CALN1: variants seen among roughly 807,000 people sequenced by gnomAD.
CALN1 encodes the protein calneuron 1.
In CALN1, 17 loss-of-function variants were observed where a neutral mutation model predicts 30.6. The ratio of observed to expected loss-of-function variants is 0.56; its 90% CI spans 0.38 to 0.83. The LOEUF (loss-of-function observed/expected upper bound fraction) is 0.83, where lower values mean the gene tolerates loss of function less well. Ranked by LOEUF, CALN1 falls within the 40% of genes least tolerant of loss-of-function variation. CALN1 has a pLI of 0.00. For missense variants in CALN1, 291 were observed against 354.9 expected (o/e 0.82, Z 1.45); for synonymous variants, 156 against 131.4 (o/e 1.19, Z -1.28).
chr7:72,381,706 T>G (rs965054254), intron 2 of CALN1, among the ~76,000 whole-genome samples: 16 of 151,862 alleles, frequency 1.1e-4, no homozygotes, highest in Admixed American at 1.0e-3. Flanking sequence ...GTCAGGGGCA[T>G]GGGGGCAAGG....
At chr7:72,300,054 G>A (rs551180020) in intron 2 of CALN1, among the ~76,000 whole-genome samples, 1 of 151,544 alleles carries the variant, frequency 6.6e-6, no homozygotes, top group African/African-American at 2.4e-5. Context: ...CTAATTTTTT[G>A]TATTTTTAAC....
intron 4 of CALN1, among the ~76,000 whole-genome samples, chr7:72,052,701 GAGAAATGACAACTCACTTCAGTCTC>G (rs1239369781): frequency 1.1e-4 from 16 of 152,306 alleles, no homozygotes; most frequent in African/African-American, 3.6e-4. Flanking sequence ...CAGCCAGGCA[GAGAAATGACAACTCACTTCAGTCTC>G]AGAAATGACA....
chr7:72,293,213 G>T (rs1405898848), intron 2 of CALN1, among the ~76,000 whole-genome samples: 2 of 152,196 alleles, frequency 1.3e-5, no homozygotes, highest in African/African-American at 4.8e-5. Context: ...ACTTAGCAGA[G>T]ATTAGAGATG....
At position 72,401,030 on chromosome 7, in the gene CALN1, G is replaced by C. The variant is rs74723596; in HGVS notation, c.119+2221C>G. The stretch of plus-strand genomic sequence containing the variant: ...GAGGAAACAGTGGTGGCTCTCTTTT[G>C]AGCATGCTTTGGGGTGAGAGGAGGG... On this transcript the variant is annotated intron_variant, in intron 2 of 6. Coordinates refer to ENST00000395275, the MANE Select transcript of CALN1 (RefSeq NM_031468.4). 8.7e-3 allele frequency among the ~76,000 whole-genome samples: 1,327 copies of C among 152,246 alleles called. 23 individuals carry two copies. The highest frequency in any genetic ancestry group is 0.029 in the African/African-American group (1,192 of 41,522).
At chr7:72,189,910 A>C (rs1790482419) in intron 3 of CALN1, among the ~76,000 whole-genome samples, 1 of 152,190 alleles carries the variant, frequency 6.6e-6, no homozygotes, top group African/African-American at 2.4e-5. Flanking sequence ...GAATGCATAT[A>C]GCCGAATTCT....
At chr7:72,302,551 T>C (rs1387981885) in intron 2 of CALN1, among the ~76,000 whole-genome samples, 1 of 151,792 alleles carries the variant, frequency 6.6e-6, no homozygotes, top group Non-Finnish European at 1.5e-5. Context: ...CTTTCGGAGG[T>C]GCAGGCATTC....
At chr7:72,260,383 TCAC>T (rs1796184911) in intron 3 of CALN1, among the ~76,000 whole-genome samples, 1 of 152,138 alleles carries the variant, frequency 6.6e-6, no homozygotes, top group Non-Finnish European at 1.5e-5. Flanking sequence ...AGAAAAAACA[TCAC>T]TACTCATAAA....
At chr7:72,386,708 T>A (rs1324972382) in intron 2 of CALN1, among the ~76,000 whole-genome samples, 1 of 152,108 alleles carries the variant, frequency 6.6e-6, no homozygotes, top group Non-Finnish European at 1.5e-5. Context: ...TAATCATAGC[T>A]CACTGCAACC....
chr7:72,301,594 C>A (rs1326965829), intron 2 of CALN1, among the ~76,000 whole-genome samples: 4 of 94,648 alleles, frequency 4.2e-5, no homozygotes, highest in Non-Finnish European at 7.7e-5. Flanking sequence ...GGCGACAGAG[C>A]AAAGACTTTG....
the CALN1 span, among the ~76,000 whole-genome samples, chr7:72,491,128 C>T: frequency 9.2e-5 from 14 of 151,898 alleles, no homozygotes; most frequent in Non-Finnish European, 1.8e-4. Context: ...CCTGTAGTCC[C>T]AGCTACTCGG....
chr7:71,822,546 C>T (rs1788658377), intron 5 of CALN1, among the ~76,000 whole-genome samples: 1 of 152,212 alleles, frequency 6.6e-6, no homozygotes, highest in Admixed American at 6.5e-5. Context: ...CCGTGCCTGG[C>T]CCGCTTCTGG....
chr7:72,009,453 T>C (rs893291281), intron 5 of CALN1, among the ~76,000 whole-genome samples: 3 of 152,212 alleles, frequency 2.0e-5, no homozygotes, highest in Non-Finnish European at 4.4e-5. Flanking sequence ...AGGAAATCTA[T>C]TAATTATCAC....
At chr7:72,214,609 T>A (rs1792640127) in intron 3 of CALN1, among the ~76,000 whole-genome samples, 1 of 151,862 alleles carries the variant, frequency 6.6e-6, no homozygotes, top group South Asian at 2.1e-4. Context: ...CAGAGCGAGA[T>A]CTTGTCTCAA....
the CALN1 span, among the ~76,000 whole-genome samples, chr7:72,456,424 G>T: frequency 6.6e-6 from 1 of 152,210 alleles, no homozygotes; most frequent in African/African-American, 2.4e-5. Context: ...TGTCAGCCCA[G>T]CTACTCAGAA....
chr7:72,126,882 G>A (rs1329586459), intron 3 of CALN1, among the ~76,000 whole-genome samples: 1 of 151,974 alleles, frequency 6.6e-6, no homozygotes, highest in African/African-American at 2.4e-5. Flanking sequence ...GGTGACAGAT[G>A]CACCAAGATC....
At chr7:71,949,239 A>G (rs1404566357) in intron 5 of CALN1, among the ~76,000 whole-genome samples, 1 of 152,090 alleles carries the variant, frequency 6.6e-6, no homozygotes, top group Non-Finnish European at 1.5e-5. Context: ...TCCTAGAGCT[A>G]AATCAAATGG....
chr7:72,258,774 T>G (rs946020485), intron 3 of CALN1, among the ~76,000 whole-genome samples: 34 of 142,312 alleles, frequency 2.4e-4, no homozygotes, highest in African/African-American at 9.2e-4. Flanking sequence ...AAAAATTAGC[T>G]GGGTGTGGTG....
chr7:71,880,061 C>T (rs10229274), intron 5 of CALN1, among the ~76,000 whole-genome samples: 186 of 152,114 alleles, frequency 1.2e-3, no homozygotes, highest in African/African-American at 4.0e-3. Context: ...CATTAAAGCC[C>T]GGGAGTTTGA....
At chr7:72,314,022 A>G (rs1193546791) in intron 2 of CALN1, among the ~76,000 whole-genome samples, 1 of 152,156 alleles carries the variant, frequency 6.6e-6, no homozygotes, top group Non-Finnish European at 1.5e-5. Flanking sequence ...GAGTCAGCAC[A>G]TTGCCCCTAT....
Sources: gnomAD v4.1 joint callset for allele counts (sites outside exome capture counted in the v4.1 genomes callset) on GRCh38, gnomAD v4.1.1 for gene constraint, MANE v1.5 for transcripts, NCBI Gene and HGNC (gene_info 2026-07-23, HGNC 2026-07-21) for gene names.